Variants in GALNT13 observed in about 807,000 individuals in gnomAD.
The protein encoded by GALNT13 is UDP-GalNAc:polypeptide N-acetylgalactosaminyltransferase 13.
A neutral mutation model predicts 64.2 loss-of-function variants in GALNT13; 28 were observed. The ratio of observed to expected loss-of-function variants is 0.44; its 90% CI spans 0.32 to 0.60. GALNT13 has a LOEUF of 0.60. Ranked by LOEUF, GALNT13 falls within the 20% of genes least tolerant of loss-of-function variation. GALNT13 has a pLI of 0.05. For missense variants in GALNT13, 577 were observed against 669.8 expected (o/e 0.86, Z 1.53); for synonymous variants, 214 against 224.6 (o/e 0.95, Z 0.42).
the GALNT13 span, among the ~76,000 whole-genome samples, chr2:153,450,386 G>GA: frequency 1.2e-3 from 173 of 149,838 alleles, no homozygotes; most frequent in Middle Eastern, 3.4e-3. Flanking sequence ...CAGTTTGAAT[G>GA]AAAAAAAAAT....
chr2:154,188,532 G>A (rs1222542320), intron 4 of GALNT13, among the ~76,000 whole-genome samples: 1 of 152,140 alleles, frequency 6.6e-6, no homozygotes, highest in Non-Finnish European at 1.5e-5. Context: ...ATGATTGTGA[G>A]CCTAGCAAAG....
At chr2:153,861,559 C>CTTTTTTTTTTTTTTTTT in the GALNT13 span, among the ~76,000 whole-genome samples, 4 of 118,200 alleles carry the variant, frequency 3.4e-5, no homozygotes, top group African/African-American at 6.6e-5. Flanking sequence ...TTCTTTCTTT[C>CTTTTTTTTTTTTTTTTT]TTTTTTTTTT....
intron 3 of GALNT13, among the ~76,000 whole-genome samples, chr2:153,970,627 C>CTAA (rs1693676965): frequency 6.6e-6 from 1 of 152,088 alleles, no homozygotes; most frequent in Admixed American, 6.6e-5. Context: ...GTGACCAAGG[C>CTAA]TTACTTGATA....
At chr2:153,267,288 G>A in the GALNT13 span, among the ~76,000 whole-genome samples, 1 of 152,182 alleles carries the variant, frequency 6.6e-6, no homozygotes, top group East Asian at 1.9e-4. Flanking sequence ...AAAGAGCAGG[G>A]ACTCTGTGTG....
the GALNT13 span, among the ~76,000 whole-genome samples, chr2:153,125,768 G>A: frequency 6.6e-6 from 1 of 152,136 alleles, no homozygotes; most frequent in African/African-American, 2.4e-5. Context: ...TGTGATTGCT[G>A]TCTAATTAGA....
At chr2:153,644,391 T>G in the GALNT13 span, among the ~76,000 whole-genome samples, 1 of 152,090 alleles carries the variant, frequency 6.6e-6, no homozygotes, top group Non-Finnish European at 1.5e-5. Flanking sequence ...CAATTTGATT[T>G]TGTTGAAATA....
chr2:154,136,123 T>G (rs1682936268), intron 3 of GALNT13, among the ~76,000 whole-genome samples: 1 of 152,300 alleles, frequency 6.6e-6, no homozygotes, highest in Admixed American at 6.5e-5. Context: ...TTATTACAAT[T>G]GTAAAATTGA....
intron 4 of GALNT13, among the ~76,000 whole-genome samples, chr2:154,185,630 T>C (rs1166515450): frequency 6.6e-6 from 1 of 151,980 alleles, no homozygotes; most frequent in Admixed American, 6.6e-5. Flanking sequence ...AATCTGCTGT[T>C]AAAGTTCTCC....
At chr2:153,353,025 C>G in the GALNT13 span, among the ~76,000 whole-genome samples, 1 of 152,032 alleles carries the variant, frequency 6.6e-6, no homozygotes, top group Non-Finnish European at 1.5e-5. Context: ...TGTATTGATT[C>G]TATAGATCAA....
intron 4 of GALNT13, among the ~76,000 whole-genome samples, chr2:154,194,037 C>T (rs1573851360): frequency 6.6e-6 from 1 of 152,132 alleles, no homozygotes; most frequent in African/African-American, 2.4e-5. Context: ...TGGCTCTAGA[C>T]TGCACAGCAG....
the GALNT13 span, among the ~76,000 whole-genome samples, chr2:153,734,928 T>A: frequency 6.6e-6 from 1 of 152,186 alleles, no homozygotes; most frequent in Non-Finnish European, 1.5e-5. Context: ...AATCAAAATG[T>A]AGAGCTGTCT....
intron 7 of GALNT13, among the ~76,000 whole-genome samples, chr2:154,251,382 A>C (rs1690062716): frequency 6.6e-6 from 1 of 152,148 alleles, no homozygotes; most frequent in African/African-American, 2.4e-5. Flanking sequence ...GGAAAAAAAT[A>C]ACTACTCCTT....
chr2:153,131,745 T>C, the GALNT13 span, among the ~76,000 whole-genome samples: 2 of 151,948 alleles, frequency 1.3e-5, no homozygotes, highest in Non-Finnish European at 2.9e-5. Context: ...GGAAAAGATA[T>C]ACTTTAAGCC....
chr2:153,226,298 A>C, the GALNT13 span, among the ~76,000 whole-genome samples: 2 of 152,202 alleles, frequency 1.3e-5, no homozygotes, highest in African/African-American at 4.8e-5. Flanking sequence ...AAAAGACAGA[A>C]TAGTCAACAT....
chr2:153,769,677 A>G, the GALNT13 span, among the ~76,000 whole-genome samples: 1 of 152,154 alleles, frequency 6.6e-6, no homozygotes, highest in Non-Finnish European at 1.5e-5. Flanking sequence ...TATATCTTCC[A>G]TACTTTTTTA....
At chr2:154,218,979 T>C (rs1202066502) in intron 4 of GALNT13, among the ~76,000 whole-genome samples, 1 of 152,020 alleles carries the variant, frequency 6.6e-6, no homozygotes, top group East Asian at 1.9e-4. Context: ...GACTCTCCCA[T>C]ATCGGTTCCT....
chr2:154,376,444 C>G (rs886346511), intron 9 of GALNT13, among the ~76,000 whole-genome samples: 1 of 151,966 alleles, frequency 6.6e-6, no homozygotes, highest in Admixed American at 6.6e-5. Context: ...GATAAAAAAT[C>G]TTTTTTCCAG....
the GALNT13 span, among the ~76,000 whole-genome samples, chr2:153,720,465 G>A: frequency 6.7e-6 from 1 of 149,780 alleles, no homozygotes; most frequent in African/African-American, 2.4e-5. Context: ...GATGGAGAAG[G>A]ATTTTGACGA....
chr2:153,491,716 G>T, the GALNT13 span, among the ~76,000 whole-genome samples: 1 of 151,958 alleles, frequency 6.6e-6, no homozygotes, highest in Non-Finnish European at 1.5e-5. Flanking sequence ...CACCTCCCAG[G>T]TTCAAGTGAT....
Sources: gnomAD v4.1 joint callset for allele counts (sites outside exome capture counted in the v4.1 genomes callset) on GRCh38, gnomAD v4.1.1 for gene constraint, MANE v1.5 for transcripts, NCBI Gene and HGNC (gene_info 2026-07-23, HGNC 2026-07-21) for gene names.